The following HDGFL1 variants were observed in gnomAD, a reference collection of about 807,000 sequenced individuals.
HDGFL1 encodes the protein HDGF like 1, also known as hepatoma-derived growth factor-like protein 1.
For synonymous variants in HDGFL1, 190 were observed against 165.1 expected (o/e 1.15, Z -1.16); for missense variants, 422 against 365.3 (o/e 1.16, Z -1.27).
the HDGFL1 span, chr6:22,569,798 TTCAGCGCG>T: frequency 6.2e-7 from 1 of 1,613,868 alleles, no homozygotes; most frequent in East Asian, 2.2e-5. Flanking sequence ...GAGGCGCGGC[TTCAGCGCG>T]GGGCTGTGGG....
rs1760923822 is a variant in HDGFL1 at position 22,571,567 on chromosome 6, T to C, written c.*1236T>C. ...TCACCCCTTCCCCTCTCCCTTGGGC[T>C]CTGATGAAAAATTGTTGACTGCAGT... On this transcript the variant is annotated 3_prime_UTR_variant, in exon 1 of 1. Transcript: ENST00000510882. The C allele has an allele frequency of 6.0e-6, 1 of 167,136 alleles. No individual in the cohort carries two copies. The highest frequency in any genetic ancestry group is 1.5e-5 in the Non-Finnish European group (1 of 68,146). The allele number at this position is 167,136 out of a possible 1,614,324, so 10.4% of individuals were successfully genotyped here. A position where few individuals can be genotyped will look rare whatever the true frequency, so the allele number is the denominator to read the frequency against.
Position 22,570,135 on chromosome 6 carries a change from C to T in HDGFL1, c.560C>T (p.Ala187Val). The T allele has an allele frequency of 1.3e-6, 2 of 1,528,130 alleles. No individual in the cohort carries two copies. The highest frequency in any genetic ancestry group is 2.2e-5 in the Admixed American group (1 of 45,974). 94.7% of individuals were successfully genotyped at this position (1,528,130 alleles called of 1,614,324 possible). A position where few individuals can be genotyped will look rare whatever the true frequency, so the allele number is the denominator to read the frequency against. ...AEAERAAAAA[A>V]ATAVDEESPF... ...GCGGAGAGGGCGGCGGCGGCGGCGGCGGCGACGGCCGTCGACGAGGAGAGT... is the reference window on the plus strand; with the variant it reads ...GCGGAGAGGGCGGCGGCGGCGGCGGTGGCGACGGCCGTCGACGAGGAGAGT... Residue 187 changes from alanine to valine, a missense_variant, in exon 1 of 1, where the codon GCG becomes GTG. By Grantham distance (64) the Ala-to-Val change is moderately conservative (BLOSUM62 0). Coordinates refer to ENST00000510882, the MANE Select transcript of HDGFL1 (RefSeq NM_138574.4).
rs1335563907 is a variant in HDGFL1 at position 22,571,284 on chromosome 6, A to AG, written c.*955dup. The AG allele has an allele frequency of 7.8e-5, 13 of 167,174 alleles. No homozygotes were observed. Among genetic ancestry groups the AG allele is most frequent in the African/African-American group, 3.1e-4 (13 of 41,470 alleles). The allele number at this position is 167,174 out of a possible 1,614,324, so 10.4% of individuals were successfully genotyped here. ...AGAAGAATTTTTAAGAACTACCTCT[A>AG]GGTGTGCCTCCACGCTGGCCCTAGC... On this transcript the variant is annotated 3_prime_UTR_variant, in exon 1 of 1. Transcript: ENST00000510882.
rs371360436 is a variant in HDGFL1, at chr6:22,569,779, G to C, written c.204G>C (p.Lys68Asn). ...PYKECKEKFG[K>N]PNKRRGFSAG... ...AGGAGTGCAAGGAGAAGTTCGGCAA[G>C]CCCAACAAGAGGCGCGGCTTCAGCG... The change falls in exon 1 of 1, where the codon AAG becomes AAC. Residue 68 changes from lysine (K) to asparagine (N), a missense_variant. Coordinates refer to ENST00000510882, the MANE Select transcript of HDGFL1 (RefSeq NM_138574.4). 6.2e-7 allele frequency: 1 copy of C among 1,614,124 alleles called. No homozygotes were observed. Among genetic ancestry groups the C allele is most frequent in the East Asian group, 2.2e-5 (1 of 44,786 alleles).
At position 22,570,318 on chromosome 6, in the gene HDGFL1, G is replaced by T. The variant is rs1760902351; in HGVS notation, c.743G>T (p.Arg248Leu). The change falls in exon 1 of 1, where the codon CGC becomes CTC. Residue 248 changes from arginine to leucine, a missense_variant. By Grantham distance (102) the Arg-to-Leu change is moderately radical. Coordinates refer to ENST00000510882, the MANE Select transcript of HDGFL1 (RefSeq NM_138574.4). ...WHAEAPGGGD[R>L]DSL The stretch of plus-strand genomic sequence containing the variant: ...GCCGAGGCACCGGGCGGCGGAGATC[G>T]CGACAGCCTGTAGTTACCAGCGTTT... The T allele has an allele frequency of 1.4e-6, 2 of 1,477,052 alleles. No individual in the cohort carries two copies. The highest frequency in any genetic ancestry group is 2.4e-5 in the East Asian group (1 of 41,296). The allele number at this position is 1,477,052 out of a possible 1,614,324, so 91.5% of individuals were successfully genotyped here.
Position 22,569,924 on chromosome 6 carries a change from G to C in HDGFL1, c.349G>C (p.Asp117His), listed in dbSNP as rs1760884601. Reference sequence around the variant, plus strand: ...GCCCGAGGCCGCAGAGGGCGACGAGGACAAGCCGACCCACGCTGGTGGCGG... The same window carrying C: ...GCCCGAGGCCGCAGAGGGCGACGAGCACAAGCCGACCCACGCTGGTGGCGG... ...PEPEAAEGDE[D>H]KPTHAGGGGD... is the part of the protein sequence containing the mutation. Residue 117 changes from aspartate to histidine, a missense_variant, in exon 1 of 1, where the codon GAC becomes CAC. Coordinates refer to ENST00000510882, the MANE Select transcript of HDGFL1 (RefSeq NM_138574.4). 1.9e-6 allele frequency: 3 copies of C among 1,554,230 alleles called. No individual in the cohort carries two copies. Among genetic ancestry groups the C allele is most frequent in the African/African-American group, 1.4e-5 (1 of 73,266 alleles).
At position 22,570,246 on chromosome 6, in the gene HDGFL1, T is replaced by A; in HGVS notation, c.671T>A (p.Leu224His). 1 of 1,556,224 alleles carries A rather than the reference T, an allele frequency of 6.4e-7. No homozygotes were observed. Among genetic ancestry groups the A allele is most frequent in the Non-Finnish European group, 8.6e-7 (1 of 1,157,692 alleles). The change falls in exon 1 of 1, where the codon CTC becomes CAC. Residue 224 changes from leucine (L) to histidine (H), a missense_variant. By Grantham distance (99) the Leu-to-His change is moderately conservative. Transcript: ENST00000510882. ...CCGCCTCAGCCAGAGGAGGAGGAGC[T>A]CCGGGAGGAAGAAGTCGCGGACGAG... ...CEPPQPEEEELREEEVADEEA... is the reference protein window; with the variant it reads ...CEPPQPEEEEHREEEVADEEA...
In HDGFL1 at chr6:22,570,724, T is replaced by G. The variant is rs1309648144; in HGVS notation, c.*393T>G. The G allele has an allele frequency of 9.8e-6, 2 of 204,034 alleles. No individual in the cohort carries two copies. Among genetic ancestry groups the G allele is most frequent in the Non-Finnish European group, 2.1e-5 (2 of 94,088 alleles). 12.6% of individuals were successfully genotyped at this position (204,034 alleles called of 1,614,324 possible). On this transcript the variant is annotated 3_prime_UTR_variant, in exon 1 of 1. Transcript: ENST00000510882. ...TCTAGACACCCCTCTCCACCCCTCCTGCTTCCCCAGGCATTATGAACCTCT... is the reference window on the plus strand; with the variant it reads ...TCTAGACACCCCTCTCCACCCCTCCGGCTTCCCCAGGCATTATGAACCTCT...
rs1324598803 is a variant in HDGFL1, at chr6:22,570,068, C to T, written c.493C>T (p.Pro165Ser). The T allele has an allele frequency of 3.2e-6, 5 of 1,542,748 alleles. No individual in the cohort carries two copies. The highest frequency in any genetic ancestry group is 2.0e-5 in the Admixed American group (1 of 49,920). Residue 165 changes from proline to serine, a missense_variant, in exon 1 of 1, where the codon CCC (proline) becomes TCC (serine). Physicochemically the swap from Pro to Ser is moderately conservative, Grantham distance 74. Coordinates refer to ENST00000510882, the MANE Select transcript of HDGFL1 (RefSeq NM_138574.4). Reference protein sequence around the residue: ...DAPKRPKEAAPDQEEEAEAER... With the variant: ...DAPKRPKEAASDQEEEAEAER... ...CCCCAAACGACCCAAGGAGGCAGCC[C>T]CCGACCAAGAGGAGGAGGCGGAGGC...
At position 22,570,068 on chromosome 6, in the gene HDGFL1, C is replaced by A; in HGVS notation, c.493C>A (p.Pro165Thr). ...DAPKRPKEAA[P>T]DQEEEAEAER... ...CCCCAAACGACCCAAGGAGGCAGCC[C>A]CCGACCAAGAGGAGGAGGCGGAGGC... Residue 165 changes from proline to threonine, a missense_variant, in exon 1 of 1, where the codon CCC (proline) becomes ACC (threonine). Transcript: ENST00000510882. 1 of 1,542,856 alleles carries A rather than the reference C, an allele frequency of 6.5e-7. No homozygotes were observed. The highest frequency in any genetic ancestry group is 8.7e-7 in the Non-Finnish European group (1 of 1,144,630).
rs1002563895 is a variant in HDGFL1 at position 22,570,354 on chromosome 6, C to T, written c.*23C>T. On this transcript the variant is annotated 3_prime_UTR_variant, in exon 1 of 1. Transcript: ENST00000510882. Reference sequence around the variant, plus strand: ...TAGTTACCAGCGTTTCCAGAAGAGCCCCTGCCCCGTTCCTGCTGCGGCCTG... The same window carrying T: ...TAGTTACCAGCGTTTCCAGAAGAGCTCCTGCCCCGTTCCTGCTGCGGCCTG... The T allele has an allele frequency of 5.6e-6, 8 of 1,435,488 alleles. No homozygotes were observed. The highest frequency in any genetic ancestry group is 2.7e-5 in the East Asian group (1 of 37,686). 88.9% of individuals were successfully genotyped at this position (1,435,488 alleles called of 1,614,324 possible).
rs762125762 is a variant in HDGFL1 at position 22,570,235 on chromosome 6, G to A, written c.660G>A (p.Glu220=). Residue 220 remains glutamate (E), a synonymous_variant, in exon 1 of 1, where the codon GAG becomes GAA. Coordinates refer to ENST00000510882, the MANE Select transcript of HDGFL1 (RefSeq NM_138574.4). The part of the protein sequence containing the change: ...PGLVCEPPQP[E]EEELREEEVA... ...TGGTCTGCGAGCCGCCTCAGCCAGA[G>A]GAGGAGGAGCTCCGGGAGGAAGAAG... 9.0e-6 allele frequency: 14 copies of A among 1,562,358 alleles called. No individual in the cohort carries two copies. In the East Asian group the frequency reaches 3.2e-4, roughly 36 times the overall value.
At position 22,570,023 on chromosome 6, in the gene HDGFL1, G is replaced by C; in HGVS notation, c.448G>C (p.Gly150Arg). ...GAAGGGGCCGCTGAAGAGGAGCGCG[G>C]GGGACCCGCCGGAGGACGCCCCCAA... The part of the protein sequence containing the change: ...EEKGPLKRSA[G>R]DPPEDAPKRP... The change falls in exon 1 of 1, where the codon GGG becomes CGG. Residue 150 changes from glycine to arginine, a missense_variant. By Grantham distance (125) the Gly-to-Arg change is moderately radical. Coordinates refer to ENST00000510882, the MANE Select transcript of HDGFL1 (RefSeq NM_138574.4). 2 of 1,547,564 alleles carry C rather than the reference G, an allele frequency of 1.3e-6. No homozygotes were observed. Among genetic ancestry groups the C allele is most frequent in the Non-Finnish European group, 1.7e-6 (2 of 1,146,438 alleles).
Position 22,570,321 on chromosome 6 carries a change from A to G in HDGFL1, c.746A>G (p.Asp249Gly). 1 of 1,476,946 alleles carries G rather than the reference A, an allele frequency of 6.8e-7. No homozygotes were observed. The highest frequency in any genetic ancestry group is 1.4e-5 in the South Asian group (1 of 71,432). 91.5% of individuals were successfully genotyped at this position (1,476,946 alleles called of 1,614,324 possible). ...GAGGCACCGGGCGGCGGAGATCGCG[A>G]CAGCCTGTAGTTACCAGCGTTTCCA... is the stretch of plus-strand genomic sequence containing the variant. ...HAEAPGGGDR[D>G]SL The change falls in exon 1 of 1, where the codon GAC becomes GGC. Residue 249 changes from aspartate to glycine, a missense_variant. Coordinates refer to ENST00000510882, the MANE Select transcript of HDGFL1 (RefSeq NM_138574.4).
chr6:22,570,076 A>AGAGGAG lies in HDGFL1; in HGVS notation c.506_511dup (p.Glu169_Glu170dup). 1.3e-6 allele frequency: 2 copies of AGAGGAG among 1,541,148 alleles called. No homozygotes were observed. The highest frequency in any genetic ancestry group is 8.7e-7 in the Non-Finnish European group (1 of 1,144,168). On this transcript the variant is annotated inframe_insertion, in exon 1 of 1. Transcript: ENST00000510882. ...GACCCAAGGAGGCAGCCCCCGACCA[A>AGAGGAG]GAGGAGGAGGCGGAGGCGGAGAGGG...
rs1182721483 is a variant in HDGFL1 at position 22,570,900 on chromosome 6, C to A, written c.*569C>A. On this transcript the variant is annotated 3_prime_UTR_variant, in exon 1 of 1. Coordinates refer to ENST00000510882, the MANE Select transcript of HDGFL1 (RefSeq NM_138574.4). ...TCCTGTCCATGCCTGCCATACCTGC[C>A]AGCTTCAGACATTTAGGGAAAAGGG... The A allele has an allele frequency of 6.0e-6, 1 of 167,308 alleles. No individual in the cohort carries two copies. Among genetic ancestry groups the A allele is most frequent in the African/African-American group, 2.4e-5 (1 of 41,418 alleles). 10.4% of individuals were successfully genotyped at this position (167,308 alleles called of 1,614,324 possible).
chr6:22,570,123 C>CGGAAGCGGAGAG lies in HDGFL1; in HGVS notation c.550_551insAAGCGGAGAGGG (p.Ala183_Ala184insGluAlaGluArg). The CGGAAGCGGAGAG allele has an allele frequency of 6.5e-7, 1 of 1,528,206 alleles. No homozygotes were observed. The highest frequency in any genetic ancestry group is 8.8e-7 in the Non-Finnish European group (1 of 1,139,158). The allele number at this position is 1,528,206 out of a possible 1,614,324, so 94.7% of individuals were successfully genotyped here. On this transcript the variant is annotated inframe_insertion, in exon 1 of 1. Transcript: ENST00000510882. ...AGGGCGGCGGAAGCGGAGAGGGCGGCGGCGGCGGCGGCGGCGACGGCCGTC... is the reference window on the plus strand; with the variant it reads ...AGGGCGGCGGAAGCGGAGAGGGCGGCGGAAGCGGAGAGGGCGGCGGCGGCGGCGACGGCCGTC...
At position 22,570,618 on chromosome 6, in the gene HDGFL1, GCCACC is replaced by G. The variant is rs1190580663; in HGVS notation, c.*305_*309del. 7.8e-4 allele frequency: 170 copies of G among 217,380 alleles called. No individual in the cohort carries two copies. The highest frequency in any genetic ancestry group is 3.1e-3 in the Admixed American group (24 of 7,700). 13.5% of individuals were successfully genotyped at this position (217,380 alleles called of 1,614,324 possible). ...GCTCCCTCTTCTCCCCCCTCTACCCGCCACCCCACCCCACCCCACCCCCGCCCACT... is the reference window on the plus strand; with the variant it reads ...GCTCCCTCTTCTCCCCCCTCTACCCGCCACCCCACCCCACCCCCGCCCACT... On this transcript the variant is annotated 3_prime_UTR_variant, in exon 1 of 1. Transcript: ENST00000510882.
rs1031514603 is a variant in HDGFL1, at chr6:22,570,755, G to A, written c.*424G>A. 1.1e-5 allele frequency: 2 copies of A among 186,496 alleles called. No homozygotes were observed. The highest frequency in any genetic ancestry group is 4.7e-5 in the African/African-American group (2 of 42,250). 11.6% of individuals were successfully genotyped at this position (186,496 alleles called of 1,614,324 possible). Reference sequence around the variant, plus strand: ...CCCAGGCATTATGAACCTCTGCTTAGGAATATGGGTAGGAGTGAAAGGCCT... The same window carrying A: ...CCCAGGCATTATGAACCTCTGCTTAAGAATATGGGTAGGAGTGAAAGGCCT... On this transcript the variant is annotated 3_prime_UTR_variant, in exon 1 of 1. Transcript: ENST00000510882.
Sources: gnomAD v4.1 joint callset for allele counts on GRCh38, gnomAD v4.1.1 for gene constraint, MANE v1.5 for transcripts, NCBI Gene and HGNC (gene_info 2026-07-23, HGNC 2026-07-21) for gene names.